GOSR1: variants seen among roughly 807,000 people sequenced by gnomAD.
GOSR1 encodes 28 kDa Golgi SNARE protein.
GOSR1 carries 21 observed loss-of-function variants against 35.5 expected under a neutral mutation model. That is an observed-to-expected ratio of 0.59 (90% confidence interval 0.42 to 0.85). GOSR1 has a LOEUF of 0.85. Among genes scored for constraint, GOSR1 ranks in the 40% least tolerant of loss-of-function variants. The probability of loss-of-function intolerance (pLI) is 0.00; values close to 1 mark genes in which losing one functional copy is unlikely to be tolerated. For missense variants in GOSR1, 285 were observed against 309.6 expected (o/e 0.92, Z 0.60); for synonymous variants, 94 against 106.6 (o/e 0.88, Z 0.73).
chr17:30,522,229 T>C, intron 8 of GOSR1, 25 bp from the exon 9 acceptor site: 1 of 1,581,720 alleles, frequency 6.3e-7, no homozygotes, highest in Non-Finnish European at 8.6e-7. Context: ...CTTCCAAATA[T>C]GACCTTAATA....
chr17:30,499,548 A>G (rs1233310719), intron 6 of GOSR1, among the ~76,000 whole-genome samples: 4 of 152,082 alleles, frequency 2.6e-5, no homozygotes, highest in Admixed American at 6.6e-5. Context: ...TCACGGTGTT[A>G]GCCAGGATGG....
chr17:30,493,646 C>T (rs1392757906), intron 6 of GOSR1, among the ~76,000 whole-genome samples: 1 of 152,046 alleles, frequency 6.6e-6, no homozygotes, highest in Non-Finnish European at 1.5e-5. Context: ...AGCTAAATGC[C>T]TTTCATAGTG....
chr17:30,481,080 G>C (rs1914314499), intron 1 of GOSR1, 63 bp from the exon 2 acceptor site: 1 of 1,020,034 alleles, frequency 9.8e-7, no homozygotes, highest in Non-Finnish European at 1.6e-6. Flanking sequence ...TCTTTAGAAT[G>C]GTGCTGTGAT....
intron 7 of GOSR1, among the ~76,000 whole-genome samples, chr17:30,514,741 T>C (rs1300798280): frequency 1.3e-5 from 2 of 152,218 alleles, no homozygotes; most frequent in South Asian, 2.1e-4. Flanking sequence ...AAAAAGGTTA[T>C]GTGTTGGGCC....
intron 6 of GOSR1, among the ~76,000 whole-genome samples, chr17:30,510,126 A>C (rs552422733): frequency 6.6e-6 from 1 of 152,132 alleles, no homozygotes; most frequent in Non-Finnish European, 1.5e-5. Context: ...GCTGGAGTGC[A>C]GTGGCATGAT....
intron 6 of GOSR1, among the ~76,000 whole-genome samples, chr17:30,505,683 T>C (rs1156599583): frequency 6.6e-6 from 1 of 152,212 alleles, no homozygotes; most frequent in Non-Finnish European, 1.5e-5. Context: ...ACAACCTCAC[T>C]GATAGAAGAG....
chr17:30,480,064 T>C (rs1469673184), intron 1 of GOSR1: 1 of 152,092 alleles, frequency 6.6e-6, no homozygotes, highest in Non-Finnish European at 1.5e-5. Flanking sequence ...CCTAGCACTT[T>C]GGGAGGCCAA....
rs2143967099 is a variant in GOSR1 at position 30,524,011 on chromosome 17, G to A, written c.*1633G>A. 5.7e-6 allele frequency: 1 copy of A among 175,828 alleles called. No individual in the cohort carries two copies. Among genetic ancestry groups the A allele is most frequent in the Admixed American group, 6.4e-5 (1 of 15,708 alleles). The allele number at this position is 175,828 out of a possible 1,614,324, so 10.9% of individuals were successfully genotyped here. On this transcript the variant is annotated 3_prime_UTR_variant, in exon 9 of 9. Transcript: ENST00000451249. ...GATGTGCTTTGTTAAACAGATGCTT[G>A]AAGGCAGCATGCTCCTTAAGAGTCA...
intron 7 of GOSR1, among the ~76,000 whole-genome samples, chr17:30,517,038 A>C (rs1256750939): frequency 6.6e-6 from 1 of 152,152 alleles, no homozygotes; most frequent in Non-Finnish European, 1.5e-5. Flanking sequence ...TTAAATACCC[A>C]AATACTATGT....
intron 7 of GOSR1, among the ~76,000 whole-genome samples, chr17:30,515,872 T>C (rs1243886320): frequency 6.6e-6 from 1 of 152,184 alleles, no homozygotes; most frequent in Non-Finnish European, 1.5e-5. Flanking sequence ...CCTAAAAGTA[T>C]TGGGAAGATG....
chr17:30,500,870 T>C (rs963336250), intron 6 of GOSR1, among the ~76,000 whole-genome samples: 1 of 151,640 alleles, frequency 6.6e-6, no homozygotes. Flanking sequence ...TATGAAAATA[T>C]ACAAAGAACT....
intron 7 of GOSR1, among the ~76,000 whole-genome samples, chr17:30,515,756 T>C (rs533007234): frequency 6.6e-6 from 1 of 152,204 alleles, no homozygotes; most frequent in Non-Finnish European, 1.5e-5. Context: ...AATGTATTTT[T>C]TTGTTTGTTT....
At chr17:30,497,523 G>T (rs1381608873) in intron 6 of GOSR1, among the ~76,000 whole-genome samples, 1 of 152,172 alleles carries the variant, frequency 6.6e-6, no homozygotes, top group Non-Finnish European at 1.5e-5. Context: ...ATGGAATGTT[G>T]CAAAGATGAG....
intron 6 of GOSR1, among the ~76,000 whole-genome samples, chr17:30,499,189 C>A (rs1003028725): frequency 2.0e-5 from 3 of 152,194 alleles, no homozygotes; most frequent in Admixed American, 2.0e-4. Flanking sequence ...CTTTCAATAG[C>A]GGAATAACTT....
chr17:30,481,945 C>T (rs1423243990), intron 2 of GOSR1, among the ~76,000 whole-genome samples: 1 of 151,836 alleles, frequency 6.6e-6, no homozygotes, highest in African/African-American at 2.4e-5. Flanking sequence ...GCCTGGGCAA[C>T]ATGGTGAAAC....
At chr17:30,481,021 C>A in intron 1 of GOSR1, 122 bp from the exon 2 acceptor site, 1 of 678,518 alleles carries the variant, frequency 1.5e-6, no homozygotes, top group Non-Finnish European at 2.6e-6. Flanking sequence ...CAACACTTTT[C>A]TTTATGGGGG....
intron 6 of GOSR1, among the ~76,000 whole-genome samples, chr17:30,493,786 G>GT (rs1020528705): frequency 1.4e-4 from 21 of 151,818 alleles, no homozygotes; most frequent in Admixed American, 8.5e-4. Flanking sequence ...TTGATTTTTT[G>GT]TTTTTTTAAA....
Position 30,524,945 on chromosome 17 carries a change from C to G in GOSR1, c.*2567C>G, listed in dbSNP as rs1372968530. On this transcript the variant is annotated 3_prime_UTR_variant, in exon 9 of 9. Coordinates refer to ENST00000451249, the MANE Select transcript of GOSR1 (RefSeq NM_001007025.2). ...TGGCAGAATCTGTCTCTCTCTGCACCTGTCTTCTGTTACCATCCCTGGACA... is the reference window on the plus strand; with the variant it reads ...TGGCAGAATCTGTCTCTCTCTGCACGTGTCTTCTGTTACCATCCCTGGACA... 6.6e-6 allele frequency: 1 copy of G among 152,210 alleles called. No individual in the cohort carries two copies. Among genetic ancestry groups the G allele is most frequent in the Non-Finnish European group, 1.5e-5 (1 of 68,036 alleles). 9.4% of individuals were successfully genotyped at this position (152,210 alleles called of 1,614,324 possible).
chr17:30,490,214 T>C lies in GOSR1; in HGVS notation c.431T>C (p.Ile144Thr), dbSNP rs1303140931. 4 of 1,379,926 alleles carry C rather than the reference T, an allele frequency of 2.9e-6. No individual in the cohort carries two copies. The highest frequency in any genetic ancestry group is 1.4e-5 in the African/African-American group (1 of 70,454). 85.5% of individuals were successfully genotyped at this position (1,379,926 alleles called of 1,614,324 possible). A position where few individuals can be genotyped will look rare whatever the true frequency, so the allele number is the denominator to read the frequency against. Residue 144 changes from isoleucine (I) to threonine (T), a missense_variant, in exon 5 of 9, where the codon ATT (isoleucine) becomes ACT (threonine). Coordinates refer to ENST00000451249, the MANE Select transcript of GOSR1 (RefSeq NM_001007025.2). The stretch of plus-strand genomic sequence containing the variant: ...CTTATGGGATCAGTACGAAAAGATA[T>C]TGAGTAAGTTACTTTTTATATTATT... The part of the protein sequence containing the change: ...ENLMGSVRKD[I>T]ESYKSGSGVN...
Sources: allele counts gnomAD v4.1 joint callset (sites outside exome capture counted in the v4.1 genomes callset), GRCh38; gene constraint gnomAD v4.1.1; transcripts MANE v1.5; gene names NCBI Gene and HGNC (gene_info 2026-07-23, HGNC 2026-07-21).